SULF1: variants seen among roughly 807,000 people sequenced by gnomAD.
SULF1 encodes the protein sulfatase 1.
In SULF1, 46 loss-of-function variants were observed where a neutral mutation model predicts 110.5. The observed-to-expected ratio is 0.42, with a 90% CI of 0.33 to 0.53. The LOEUF (loss-of-function observed/expected upper bound fraction) is 0.53, where lower values mean the gene tolerates loss of function less well. SULF1 is among the 20% of genes least tolerant of loss of function. SULF1 has a pLI of 0.12. For missense variants in SULF1, 941 were observed against 1,094.2 expected (o/e 0.86, Z 1.98); for synonymous variants, 371 against 387.1 (o/e 0.96, Z 0.49).
At position 69,633,995 on chromosome 8, in the gene SULF1, T is replaced by C. The variant is rs528125298; in HGVS notation, c.2284+4316T>C. Reference sequence around the variant, plus strand: ...AAAATTTGGGTTCCGTGGTTTTTAATGTATGTAGATGTGAGATAAATGTTC... The same window carrying C: ...AAAATTTGGGTTCCGTGGTTTTTAACGTATGTAGATGTGAGATAAATGTTC... On this transcript the variant is annotated intron_variant, in intron 19 of 22. Transcript: ENST00000402687. Among the ~76,000 whole-genome samples, 57 of 152,310 alleles carry C rather than the reference T, an allele frequency of 3.7e-4. 1 individual carries two copies. Among genetic ancestry groups the C allele is most frequent in the Middle Eastern group, 6.8e-3 (2 of 294 alleles).
intron 17 of SULF1, 34 bp downstream of exon 17, chr8:69,627,900 A>G (rs780721285): frequency 6.5e-7 from 1 of 1,534,626 alleles, no homozygotes; most frequent in East Asian, 2.2e-5. Context: ...CCACTTTCCA[A>G]ATTCATTTCC....
rs143148330 is a variant in SULF1 at position 69,553,198 on chromosome 8, C to T, written c.-133-10341C>T. On this transcript the variant is annotated intron_variant, in intron 3 of 22. Coordinates refer to ENST00000402687, the MANE Select transcript of SULF1 (RefSeq NM_001128205.2). Reference sequence around the variant, plus strand: ...AGGAGAAAAAGCAGAAAGCAGATGGCCTGCATGCCAGAGCATCATTTTTGA... The same window carrying T: ...AGGAGAAAAAGCAGAAAGCAGATGGTCTGCATGCCAGAGCATCATTTTTGA... 4.6e-5 allele frequency among the ~76,000 whole-genome samples: 7 copies of T among 152,314 alleles called. No individual in the cohort carries two copies. In the East Asian group the frequency reaches 1.3e-3, roughly 29 times the overall value.
At chr8:69,590,183 A>G (rs573202341) in intron 8 of SULF1, among the ~76,000 whole-genome samples, 1 of 152,132 alleles carries the variant, frequency 6.6e-6, no homozygotes, top group Non-Finnish European at 1.5e-5. Context: ...TTTTTTTGAG[A>G]CAGAGTCTTG....
chr8:69,595,672 C>A (rs184679676), intron 8 of SULF1, among the ~76,000 whole-genome samples: 12 of 152,278 alleles, frequency 7.9e-5, no homozygotes, highest in Admixed American at 3.9e-4. Context: ...AATGATGGTT[C>A]TGCTACCAGT....
intron 6 of SULF1, 23 bp from the exon 7 acceptor site, chr8:69,586,334 A>T (rs769770227): frequency 1.3e-6 from 2 of 1,545,684 alleles, no homozygotes. Flanking sequence ...CGTGAAAAAA[A>T]TAATTCTTTT....
chr8:69,547,228 C>G (rs978195535), intron 3 of SULF1, among the ~76,000 whole-genome samples: 1 of 152,020 alleles, frequency 6.6e-6, no homozygotes, highest in Non-Finnish European at 1.5e-5. Flanking sequence ...CTCTAATTTC[C>G]CATGTAAGTT....
intron 13 of SULF1, 131 bp downstream of exon 13, chr8:69,605,063 C>A (rs1341294379): frequency 8.0e-6 from 10 of 1,249,406 alleles, no homozygotes; most frequent in Non-Finnish European, 9.8e-6. Flanking sequence ...AGGGCAAGCT[C>A]ACTGAGACAC....
Position 69,581,242 on chromosome 8 carries a change from T to C in SULF1, c.412+5033T>C, listed in dbSNP as rs377048577. On this transcript the variant is annotated intron_variant, in intron 6 of 22. Transcript: ENST00000402687. The stretch of plus-strand genomic sequence containing the variant: ...AGCGTGAAATCCATCACCCTAAGTC[T>C]ATCAATTACGTGGATTAAAATCTCA... Among the ~76,000 whole-genome samples the C allele has an allele frequency of 2.0e-5, 3 of 152,252 alleles. No homozygotes were observed. In the East Asian group the frequency reaches 5.8e-4, roughly 29 times the overall value.
intron 8 of SULF1, among the ~76,000 whole-genome samples, chr8:69,596,185 A>G (rs371020295): frequency 6.6e-6 from 1 of 152,174 alleles, no homozygotes; most frequent in East Asian, 1.9e-4. Flanking sequence ...GGAATAGTCT[A>G]TGGAGGATTA....
At chr8:69,553,006 GAGGTTTTATTCATTAA>G (rs1462063945) in intron 3 of SULF1, among the ~76,000 whole-genome samples, 1 of 152,198 alleles carries the variant, frequency 6.6e-6, no homozygotes, top group Non-Finnish European at 1.5e-5. Context: ...TGATGAGTGA[GAGGTTTTATTCATTAA>G]AGGTTGATGG....
chr8:69,569,652 T>C (rs975190031), intron 5 of SULF1, among the ~76,000 whole-genome samples: 5 of 152,230 alleles, frequency 3.3e-5, no homozygotes, highest in African/African-American at 1.2e-4. Context: ...TGACTTTTCT[T>C]ATACCTGGCT....
chr8:69,652,300 A>G (rs545311389), intron 22 of SULF1, among the ~76,000 whole-genome samples: 1 of 152,320 alleles, frequency 6.6e-6, no homozygotes, highest in African/African-American at 2.4e-5. Flanking sequence ...GAACTTGTCC[A>G]TAGTTTCCAG....
chr8:69,522,199 C>T (rs1318574188), intron 3 of SULF1, among the ~76,000 whole-genome samples: 5 of 151,968 alleles, frequency 3.3e-5, no homozygotes, highest in African/African-American at 1.2e-4. Flanking sequence ...TACAGGTGCC[C>T]ACCACCACAC....
rs900785357 is a variant in SULF1, at chr8:69,527,995, G to A, written c.-134+26027G>A. Among the ~76,000 whole-genome samples, 5 of 152,244 alleles carry A rather than the reference G, an allele frequency of 3.3e-5. No homozygotes were observed. In the East Asian group the frequency reaches 7.7e-4, roughly 24 times the overall value. On this transcript the variant is annotated intron_variant, in intron 3 of 22. Transcript: ENST00000402687. ...TCAAACTAAAAGACCAGTTTGGAGA[G>A]GATAAAGTTTAGGTTAAAAATGTGC...
chr8:69,641,209 G>A (rs775346125), intron 22 of SULF1: 2 of 192,078 alleles, frequency 1.0e-5, no homozygotes, highest in Non-Finnish European at 2.1e-5. Context: ...TTTGGTGGGG[G>A]AGCTTCATGA....
rs539364541 is a variant in SULF1 at position 69,531,180 on chromosome 8, C to T, written c.-134+29212C>T. ...CACTCTGAACTGACTTCTCAGTGAA[C>T]ATGCCTAGCTCATGCCTGTGCTCTG... On this transcript the variant is annotated intron_variant, in intron 3 of 22. Transcript: ENST00000402687. Among the ~76,000 whole-genome samples the T allele has an allele frequency of 8.3e-4, 126 of 152,332 alleles. 2 individuals are homozygous for T. The highest frequency in any genetic ancestry group is 7.9e-3 in the South Asian group (38 of 4,822).
At chr8:69,584,124 T>G (rs1294609261) in intron 6 of SULF1, among the ~76,000 whole-genome samples, 2 of 152,220 alleles carry the variant, frequency 1.3e-5, no homozygotes, top group African/African-American at 2.4e-5. Context: ...AATCTGAGAT[T>G]GCGAGAAGAG....
intron 3 of SULF1, among the ~76,000 whole-genome samples, chr8:69,553,879 TGAAGA>T (rs1814897694): frequency 6.6e-6 from 1 of 152,242 alleles, no homozygotes; most frequent in African/African-American, 2.4e-5. Context: ...CTTTTCTTTT[TGAAGA>T]CTGAGATATT....
chr8:69,576,315 AG>A, intron 6 of SULF1, 106 bp downstream of exon 6: 1 of 1,362,146 alleles, frequency 7.3e-7, no homozygotes, highest in South Asian at 1.4e-5. Flanking sequence ...TACCTAAAAA[AG>A]GATCAAGTGT....
Sources: allele counts gnomAD v4.1 joint callset (sites outside exome capture counted in the v4.1 genomes callset), GRCh38; gene constraint gnomAD v4.1.1; transcripts MANE v1.5; gene names NCBI Gene and HGNC (gene_info 2026-07-23, HGNC 2026-07-21).